Variants in RNF130 observed in about 807,000 individuals in gnomAD.
RNF130 encodes the protein E3 ubiquitin-protein ligase RNF130.
Under a neutral mutation model 44.6 loss-of-function variants are expected in RNF130, and 21 were observed. The ratio of observed to expected loss-of-function variants is 0.47; its 90% CI spans 0.33 to 0.68. The LOEUF (loss-of-function observed/expected upper bound fraction) is 0.68. Ranked by LOEUF, RNF130 falls within the 30% of genes least tolerant of loss-of-function variation. RNF130 has a pLI of 0.02. For missense variants in RNF130, 479 were observed against 560.6 expected (o/e 0.85, Z 1.47); for synonymous variants, 214 against 210.4 (o/e 1.02, Z -0.15).
chr5:179,972,416 A>G (rs905952591), intron 5 of RNF130, among the ~76,000 whole-genome samples: 3 of 152,196 alleles, frequency 2.0e-5, no homozygotes, highest in Admixed American at 2.0e-4. Flanking sequence ...GGTCAGGCCT[A>G]CACAGGGTGG....
chr5:179,953,672 T>C (rs1762159618), downstream of RNF130, among the ~76,000 whole-genome samples: 1 of 152,238 alleles, frequency 6.6e-6, no homozygotes, highest in Non-Finnish European at 1.5e-5. Flanking sequence ...AAAGACTATA[T>C]TGTTCTTAGA....
intron 3 of RNF130, among the ~76,000 whole-genome samples, chr5:180,012,205 C>T (rs534276236): frequency 6.6e-5 from 10 of 152,128 alleles, no homozygotes; most frequent in Non-Finnish European, 1.3e-4. Context: ...GCGCTTTTTC[C>T]GCTAGAAAGA....
intron 1 of RNF130, among the ~76,000 whole-genome samples, chr5:180,067,186 T>C (rs1054506925): frequency 6.6e-6 from 1 of 152,216 alleles, no homozygotes; most frequent in Non-Finnish European, 1.5e-5. Context: ...AGCTTTGTCA[T>C]CTGACAGGTA....
intron 1 of RNF130, among the ~76,000 whole-genome samples, chr5:180,055,260 A>C (rs1414565020): frequency 7.0e-5 from 4 of 56,954 alleles, no homozygotes; most frequent in East Asian, 1.8e-3. Context: ...AAAAAAAAAA[A>C]AAAAAAAAAA....
At chr5:180,028,861 A>T (rs1235511496) in intron 2 of RNF130, among the ~76,000 whole-genome samples, 1 of 152,234 alleles carries the variant, frequency 6.6e-6, no homozygotes, top group African/African-American at 2.4e-5. Flanking sequence ...TATACTTAGA[A>T]ATTTTTTTAA....
At chr5:179,999,617 T>A (rs1469223415) in intron 3 of RNF130, among the ~76,000 whole-genome samples, 1 of 152,064 alleles carries the variant, frequency 6.6e-6, no homozygotes, top group Non-Finnish European at 1.5e-5. Context: ...TTCAGGAGGC[T>A]GAGGCAGGAG....
chr5:179,961,742 T>C (rs1030140633), intron 8 of RNF130, among the ~76,000 whole-genome samples: 2 of 152,160 alleles, frequency 1.3e-5, no homozygotes, highest in Non-Finnish European at 2.9e-5. Context: ...AATAAGTGTT[T>C]CCCTCTAAAC....
At chr5:179,921,417 T>C (rs2113669906) in intron 7 of RNF130, among the ~76,000 whole-genome samples, 1 of 152,376 alleles carries the variant, frequency 6.6e-6, no homozygotes, top group East Asian at 1.9e-4. Context: ...TGTGTGAACA[T>C]ATGCTTTCAC....
At chr5:179,931,586 T>C (rs1292367971) in intron 7 of RNF130, among the ~76,000 whole-genome samples, 2 of 151,510 alleles carry the variant, frequency 1.3e-5, no homozygotes, top group African/African-American at 4.8e-5. Context: ...CTGGCCAAAA[T>C]AGTGAAACTA....
At chr5:180,061,749 A>G (rs997158976) in intron 1 of RNF130, among the ~76,000 whole-genome samples, 1 of 152,136 alleles carries the variant, frequency 6.6e-6, no homozygotes, top group African/African-American at 2.4e-5. Context: ...ATCCTCAACT[A>G]ATTACATCTG....
exon 8 of RNF130, chr5:179,917,497 GCACT>G (rs1331826369): frequency 2.0e-5 from 3 of 152,296 alleles, no homozygotes; most frequent in Non-Finnish European, 4.4e-5. Flanking sequence ...AACCACGGAG[GCACT>G]CACTCTCTGC....
At chr5:179,945,057 G>A (rs1210808464) in intron 7 of RNF130, among the ~76,000 whole-genome samples, 2 of 152,140 alleles carry the variant, frequency 1.3e-5, no homozygotes, top group East Asian at 1.9e-4. Context: ...CGGGTGGATC[G>A]CTTGAGGCCA....
chr5:179,913,035 C>G (rs1761488802), exon 8 of RNF130: 1 of 152,378 alleles, frequency 6.6e-6, no homozygotes. Context: ...CCGCCAGGAG[C>G]TGGGCAGCCT....
Position 179,945,663 on chromosome 5 carries a change from T to C in RNF130, c.1150+21143A>G, listed in dbSNP as rs141493322. ...CACTGAGAGGATGCTGGCTTGTGTG[T>C]TGAATGTATCGGAGGTGCAGGTGAC... On this transcript the variant is annotated intron_variant, in intron 7 of 7. Coordinates refer to the RNF130 transcript ENST00000522208. Among the ~76,000 whole-genome samples, 134 of 152,116 alleles carry C rather than the reference T, an allele frequency of 8.8e-4. 1 individual carries two copies. In the East Asian group the frequency reaches 0.015, roughly 17 times the overall value.
At chr5:179,965,938 T>A (rs1237821360) in intron 7 of RNF130, among the ~76,000 whole-genome samples, 1 of 152,020 alleles carries the variant, frequency 6.6e-6, no homozygotes, top group East Asian at 1.9e-4. Flanking sequence ...TGGAGAAGGG[T>A]CCCACGAGCC....
chr5:179,951,004 T>C (rs1442142798), downstream of RNF130, among the ~76,000 whole-genome samples: 1 of 152,136 alleles, frequency 6.6e-6, no homozygotes, highest in Non-Finnish European at 1.5e-5. Flanking sequence ...GAGGAAGCTA[T>C]CAATACAAGA....
At chr5:179,988,688 C>T (rs758909493) in intron 3 of RNF130, among the ~76,000 whole-genome samples, 4 of 152,170 alleles carry the variant, frequency 2.6e-5, no homozygotes, top group African/African-American at 4.8e-5. Context: ...TTAGTTTCCA[C>T]GTAGATACTG....
intron 6 of RNF130, among the ~76,000 whole-genome samples, chr5:179,970,065 G>A (rs1187839939): frequency 6.6e-6 from 1 of 152,056 alleles, no homozygotes; most frequent in Non-Finnish European, 1.5e-5. Flanking sequence ...CGAGGTGGGA[G>A]GACTGCTTGA....
At chr5:180,020,482 T>C (rs1481314175) in intron 2 of RNF130, among the ~76,000 whole-genome samples, 3 of 152,174 alleles carry the variant, frequency 2.0e-5, no homozygotes, top group Admixed American at 2.0e-4. Context: ...TGCTTGAACC[T>C]GAACCTCCTG....
Sources: allele counts gnomAD v4.1 joint callset (sites outside exome capture counted in the v4.1 genomes callset), GRCh38; gene constraint gnomAD v4.1.1; transcripts MANE v1.5; gene names NCBI Gene and HGNC (gene_info 2026-07-23, HGNC 2026-07-21).